IP6K3: variants seen among roughly 807,000 people sequenced by gnomAD.
The protein encoded by IP6K3 is inositol hexakisphosphate kinase 3.
IP6K3 carries 20 observed loss-of-function variants against 28.8 expected under a neutral mutation model. The observed-to-expected ratio is 0.70, with a 90% confidence interval of 0.49 to 1.01. The LOEUF (loss-of-function observed/expected upper bound fraction) is 1.01. Ranked by LOEUF, IP6K3 falls within the 50% of genes least tolerant of loss-of-function variation. IP6K3 has a pLI of 0.00. For synonymous variants in IP6K3, 213 were observed against 221.3 expected (o/e 0.96, Z 0.33); for missense variants, 480 against 537.1 (o/e 0.89, Z 1.05).
rs143874610 is a variant in IP6K3 at position 33,735,340 on chromosome 6, C to T, written c.137G>A (p.Arg46Gln). 1.0e-4 allele frequency: 166 copies of T among 1,608,084 alleles called. No homozygotes were observed. The African/African-American group carries it at 1.7e-3, about 16-fold the overall frequency. The stretch of plus-strand genomic sequence containing the variant: ...CAGGGATTCATAGAACCTCTGCTCC[C>T]GGGAGACGAGGGGCTTGCACACCGT... Reference protein sequence around the residue: ...EHTVCKPLVSREQRFYESLPL... With the variant: ...EHTVCKPLVSQEQRFYESLPL... The change falls in exon 2 of 6, where the codon CGG becomes CAG. Residue 46 changes from arginine to glutamine, a missense_variant. By Grantham distance (43) the Arg-to-Gln change is conservative (BLOSUM62 1). Coordinates refer to ENST00000293756, the MANE Select transcript of IP6K3 (RefSeq NM_054111.5).
At chr6:33,752,392 C>T in the IP6K3 span, among the ~76,000 whole-genome samples, 18 of 152,164 alleles carry the variant, frequency 1.2e-4, no homozygotes, top group Non-Finnish European at 1.6e-4. Context: ...CTTCCAGGCA[C>T]GAGGGGGAGA....
In IP6K3 at chr6:33,722,572, A is replaced by T; in HGVS notation, c.*148T>A. ...AGAGCTGATTTGTTCAGCAGCTGTT[A>T]ATATAGTCTGCCATATATAGAGATG... On this transcript the variant is annotated 3_prime_UTR_variant, in exon 6 of 6. Transcript: ENST00000293756. 1 of 594,766 alleles carries T rather than the reference A, an allele frequency of 1.7e-6. No homozygotes were observed. The highest frequency in any genetic ancestry group is 3.0e-6 in the Non-Finnish European group (1 of 333,198). The allele number at this position is 594,766 out of a possible 1,614,324, so 36.8% of individuals were successfully genotyped here.
Position 33,735,348 on chromosome 6 carries a change from G to A in IP6K3, c.129C>T (p.Leu43=), listed in dbSNP as rs200524671. The change falls in exon 2 of 6, where the codon CTC becomes CTT. Residue 43 remains leucine, a synonymous_variant. Coordinates refer to ENST00000293756, the MANE Select transcript of IP6K3 (RefSeq NM_054111.5). ...KYDEHTVCKP[L]VSREQRFYES... Reference sequence around the variant, plus strand: ...CATAGAACCTCTGCTCCCGGGAGACGAGGGGCTTGCACACCGTATGCTCGT... The same window carrying A: ...CATAGAACCTCTGCTCCCGGGAGACAAGGGGCTTGCACACCGTATGCTCGT... 7.1e-5 allele frequency: 114 copies of A among 1,607,308 alleles called. No individual in the cohort carries two copies. In the East Asian group the frequency reaches 2.0e-3, roughly 28 times the overall value.
chr6:33,733,407 G>A (rs540135849), intron 2 of IP6K3, among the ~76,000 whole-genome samples: 32 of 152,202 alleles, frequency 2.1e-4, no homozygotes, highest in African/African-American at 6.0e-4. Flanking sequence ...GCTCATGGCC[G>A]TTGCAGATGG....
In IP6K3 at chr6:33,723,060, A is replaced by T. The variant is rs1765970342; in HGVS notation, c.893T>A (p.Leu298His). 3 of 1,614,098 alleles carry T rather than the reference A, an allele frequency of 1.9e-6. No homozygotes were observed. The highest frequency in any genetic ancestry group is 2.5e-6 in the Non-Finnish European group (3 of 1,179,988). Residue 298 changes from leucine (L) to histidine (H), a missense_variant, in exon 6 of 6, where the codon CTC becomes CAC. Transcript: ENST00000293756. ...GAGCTGGTGCAGGATGGGCTCCAGG[A>T]GCTCCCTCCGGAGGTGGCTTCCATT... ...LHNGSHLRRE[L>H]LEPILHQLRA...
chr6:33,747,232 G>T (rs1470131600), upstream of IP6K3, among the ~76,000 whole-genome samples: 1 of 152,158 alleles, frequency 6.6e-6, no homozygotes, highest in East Asian at 1.9e-4. This position sits in a 1 kb window ranked among gnomAD's most constrained non-coding sequence, Gnocchi z 5.2. Context: ...GGGTTGGGGG[G>T]TTCATGCTCT....
At chr6:33,738,881 A>G (rs148369641) in intron 1 of IP6K3, among the ~76,000 whole-genome samples, 277 of 152,266 alleles carry the variant, frequency 1.8e-3, no homozygotes, top group Non-Finnish European at 3.6e-3. Context: ...CCACTTGATG[A>G]CATTCAGTAC....
At chr6:33,728,042 C>T in intron 3 of IP6K3, 45 bp downstream of exon 3, 1 of 1,586,502 alleles carries the variant, frequency 6.3e-7, no homozygotes, top group Non-Finnish European at 8.5e-7. Flanking sequence ...AGTGCCGGTC[C>T]CTGCCGAGGG....
chr6:33,754,518 G>A, the IP6K3 span, among the ~76,000 whole-genome samples: 2 of 152,188 alleles, frequency 1.3e-5, no homozygotes, highest in Non-Finnish European at 2.9e-5. Flanking sequence ...GCAGCTGGGG[G>A]CTGCCAGCCC....
chr6:33,730,260 C>T (rs1264798221), intron 2 of IP6K3, among the ~76,000 whole-genome samples: 2 of 152,208 alleles, frequency 1.3e-5, no homozygotes, highest in African/African-American at 2.4e-5. Context: ...CGTGGACACT[C>T]GTTATCAGGG....
chr6:33,756,619 C>T, the IP6K3 span, among the ~76,000 whole-genome samples: 8 of 152,110 alleles, frequency 5.3e-5, no homozygotes, highest in African/African-American at 1.7e-4. Flanking sequence ...GAACTTATTT[C>T]GTGTATCATG....
At chr6:33,749,691 C>T (rs1766995208), upstream of IP6K3, among the ~76,000 whole-genome samples, 1 of 151,734 alleles carries the variant, frequency 6.6e-6, no homozygotes, top group Admixed American at 6.6e-5. Context: ...AGCCACCATG[C>T]CCACCCTATG....
chr6:33,729,136 G>A (rs1011600156), intron 2 of IP6K3, among the ~76,000 whole-genome samples: 22 of 152,294 alleles, frequency 1.4e-4, no homozygotes, highest in African/African-American at 5.1e-4. Context: ...GACATTGGTC[G>A]GGCTTGAGTA....
rs1003011385 is a variant in IP6K3 at position 33,742,330 on chromosome 6, AC to A, written c.-180+4427del. ...GGAGTCTCGGAGACCCAGGACCAAG[AC>A]CCAAGTCAGGCTCTTAGGGCCAGGG... On this transcript the variant is annotated intron_variant, in intron 1 of 5. Transcript: ENST00000293756. The surrounding 1 kb of genome is among the most constrained non-coding windows in gnomAD (Gnocchi z 4.5). Among the ~76,000 whole-genome samples the A allele has an allele frequency of 6.6e-6, 1 of 152,054 alleles. No individual in the cohort carries two copies. Among genetic ancestry groups the A allele is most frequent in the African/African-American group, 2.4e-5 (1 of 41,412 alleles).
the IP6K3 span, among the ~76,000 whole-genome samples, chr6:33,753,004 C>T: frequency 1.3e-5 from 2 of 152,158 alleles, no homozygotes; most frequent in Non-Finnish European, 2.9e-5. Flanking sequence ...ATTGCAGTGG[C>T]ACAGTCATGG....
the IP6K3 span, among the ~76,000 whole-genome samples, chr6:33,760,388 CG>C: frequency 1.7e-4 from 26 of 152,294 alleles, 1 homozygote; most frequent in African/African-American, 6.0e-4. Flanking sequence ...CTCATATGCA[CG>C]TGTGTGCACA....
intron 3 of IP6K3, 39 bp from the exon 4 acceptor site, chr6:33,726,945 T>A (rs552103707): frequency 1.3e-6 from 2 of 1,527,690 alleles, no homozygotes; most frequent in African/African-American, 2.8e-5. Flanking sequence ...AGAGCAGAGG[T>A]CTGGGGAAGG....
At chr6:33,749,024 C>T (rs1380145272), upstream of IP6K3, among the ~76,000 whole-genome samples, 1 of 152,142 alleles carries the variant, frequency 6.6e-6, no homozygotes, top group Non-Finnish European at 1.5e-5. Flanking sequence ...GTATGACCTC[C>T]TTTCCCCCCA....
chr6:33,740,785 C>T (rs557401688), intron 1 of IP6K3, among the ~76,000 whole-genome samples: 5 of 152,312 alleles, frequency 3.3e-5, no homozygotes, highest in African/African-American at 7.2e-5. Flanking sequence ...ATTAACATTA[C>T]GGAAGATGCA....
Sources: allele counts gnomAD v4.1 joint callset (sites outside exome capture counted in the v4.1 genomes callset), GRCh38; gene constraint gnomAD v4.1.1; non-coding constraint Gnocchi (gnomAD v3.1); transcripts MANE v1.5; gene names NCBI Gene and HGNC (gene_info 2026-07-23, HGNC 2026-07-21).